NFIB: variants seen among roughly 807,000 people sequenced by gnomAD.
NFIB encodes nuclear factor 1 B-type.
Under a neutral mutation model 61.5 loss-of-function variants are expected in NFIB, and 11 were observed. The ratio of observed to expected loss-of-function variants is 0.18; its 90% confidence interval spans 0.11 to 0.30. The LOEUF is 0.30. NFIB is among the 10% of genes least tolerant of loss of function. The probability of loss-of-function intolerance (pLI) is 1.00; values close to 1 mark genes in which losing one functional copy is unlikely to be tolerated. For synonymous variants in NFIB, 260 were observed against 216.5 expected, an observed-to-expected ratio of 1.20 and a Z score of -1.76; for missense variants, 471 against 608.9, an observed-to-expected ratio of 0.77 and a Z score of 2.38.
chr9:14,142,510 G>A (rs1463771682), intron 6 of NFIB, among the ~76,000 whole-genome samples: 2 of 152,056 alleles, frequency 1.3e-5, no homozygotes, highest in Non-Finnish European at 2.9e-5. Flanking sequence ...AGTCTCATGA[G>A]AGTAACTTGA....
At chr9:14,122,914 A>G (rs2039122425) in intron 7 of NFIB, among the ~76,000 whole-genome samples, 1 of 152,140 alleles carries the variant, frequency 6.6e-6, no homozygotes, top group Non-Finnish European at 1.5e-5. Flanking sequence ...GAGAGTAAAA[A>G]TGACTACCTT....
chr9:14,406,047 G>T, the NFIB span, among the ~76,000 whole-genome samples: 3 of 152,290 alleles, frequency 2.0e-5, no homozygotes, highest in African/African-American at 7.2e-5. Context: ...GGCCACCAAA[G>T]TTATACAGCC....
At chr9:14,113,309 T>A (rs1247795048) in intron 9 of NFIB, among the ~76,000 whole-genome samples, 1 of 152,166 alleles carries the variant, frequency 6.6e-6, no homozygotes, top group Non-Finnish European at 1.5e-5. Flanking sequence ...GTAAAGCAGA[T>A]CTCATACTTC....
At chr9:14,511,523 GTA>G in the NFIB span, among the ~76,000 whole-genome samples, 1 of 104,462 alleles carries the variant, frequency 9.6e-6, no homozygotes, top group Non-Finnish European at 2.4e-5. Flanking sequence ...TATGTTAATT[GTA>G]TGAGTTAAGT....
chr9:14,460,511 G>C, the NFIB span, among the ~76,000 whole-genome samples: 1 of 150,386 alleles, frequency 6.6e-6, no homozygotes, highest in South Asian at 2.1e-4. Context: ...AAAACTTAAA[G>C]TATAATAAAA....
intron 2 of NFIB, chr9:14,205,164 C>T (rs1020517974): frequency 6.0e-5 from 4 of 66,626 alleles, no homozygotes; most frequent in African/African-American, 2.8e-4. Flanking sequence ...GATACATAGT[C>T]TCTGTGAGTG....
chr9:14,338,395 AAAAAAAAAAAG>A (rs879332871), intron 1 of NFIB, among the ~76,000 whole-genome samples: 154 of 5,678 alleles, frequency 0.027, no homozygotes, highest in South Asian at 0.21. Flanking sequence ...CTCTGTCTCA[AAAAAAAAAAAG>A]AAAAGAAAAG....
At chr9:14,207,924 C>T (rs1046707128) in intron 2 of NFIB, among the ~76,000 whole-genome samples, 3 of 152,092 alleles carry the variant, frequency 2.0e-5, no homozygotes, top group Admixed American at 6.5e-5. Context: ...GGAAAGAGCC[C>T]AAGGTCAAAC....
At chr9:14,145,034 T>C (rs765666674) in intron 6 of NFIB, among the ~76,000 whole-genome samples, 1 of 152,104 alleles carries the variant, frequency 6.6e-6, no homozygotes, top group Non-Finnish European at 1.5e-5. Context: ...AATGCTGTTA[T>C]TTACATTTTA....
At chr9:14,459,960 C>T in the NFIB span, among the ~76,000 whole-genome samples, 2 of 151,932 alleles carry the variant, frequency 1.3e-5, no homozygotes, top group South Asian at 2.1e-4. Context: ...GTCAGTGTGG[C>T]GATTCCTCAG....
intron 2 of NFIB, among the ~76,000 whole-genome samples, chr9:14,187,625 T>C (rs1235929363): frequency 1.3e-5 from 2 of 152,168 alleles, no homozygotes; most frequent in African/African-American, 4.8e-5. Context: ...TTAAGCTTTC[T>C]TTTAAAGAGC....
intron 2 of NFIB, among the ~76,000 whole-genome samples, chr9:14,295,481 C>T (rs752116394): frequency 6.6e-6 from 1 of 151,138 alleles, no homozygotes; most frequent in Admixed American, 6.6e-5. Flanking sequence ...AAAAAAAAAA[C>T]TCAGCCGGGC....
intron 1 of NFIB, among the ~76,000 whole-genome samples, chr9:14,390,388 G>A (rs896864030): frequency 7.9e-5 from 12 of 152,188 alleles, no homozygotes; most frequent in African/African-American, 2.9e-4. Flanking sequence ...AGAGAAGCCT[G>A]AAGCATCTTG....
At chr9:14,292,641 T>C (rs10124289) in intron 2 of NFIB, among the ~76,000 whole-genome samples, 7,773 of 152,116 alleles carry the variant, frequency 0.051, 520 homozygotes, top group East Asian at 0.29. Context: ...AGGGACAAAG[T>C]TTCCCAAGCA....
the NFIB span, among the ~76,000 whole-genome samples, chr9:14,434,036 A>G: frequency 4.3e-4 from 65 of 152,344 alleles, no homozygotes; most frequent in Non-Finnish European, 8.2e-4. Context: ...CTGAGCACTA[A>G]GCTTTCTCTA....
At chr9:14,388,386 AGG>A (rs2061577385) in intron 1 of NFIB, among the ~76,000 whole-genome samples, 1 of 10,624 alleles carries the variant, frequency 9.4e-5, no homozygotes, top group Non-Finnish European at 2.2e-4. Flanking sequence ...GAAGGAAGGA[AGG>A]AAGGAAGGAA....
chr9:14,187,949 C>A (rs1463761007), intron 2 of NFIB, among the ~76,000 whole-genome samples: 1 of 152,134 alleles, frequency 6.6e-6, no homozygotes, highest in Admixed American at 6.6e-5. Context: ...CCAACCCACC[C>A]CCCACAACAA....
At chr9:14,184,190 T>A (rs951887068) in intron 2 of NFIB, among the ~76,000 whole-genome samples, 4 of 152,202 alleles carry the variant, frequency 2.6e-5, no homozygotes, top group African/African-American at 9.6e-5. Context: ...CAAAGTTGCA[T>A]AGCAACTATT....
chr9:14,231,553 T>C (rs1587798048), intron 2 of NFIB, among the ~76,000 whole-genome samples: 1 of 152,118 alleles, frequency 6.6e-6, no homozygotes, highest in East Asian at 1.9e-4. Context: ...AAGTAAAAAT[T>C]ATTTACTCCA....
Sources: gnomAD v4.1 joint callset for allele counts (sites outside exome capture counted in the v4.1 genomes callset) on GRCh38, gnomAD v4.1.1 for gene constraint, MANE v1.5 for transcripts, NCBI Gene and HGNC (gene_info 2026-07-23, HGNC 2026-07-21) for gene names.